LMF1: variants seen among roughly 807,000 people sequenced by gnomAD.
LMF1 encodes lipase maturation factor 1, also known as transmembrane protein 112.
In LMF1, 68 loss-of-function variants were observed where a neutral mutation model predicts 60.6. That is an observed-to-expected ratio of 1.12 (90% CI 0.92 to 1.37). The LOEUF is 1.37. Ranked by LOEUF, LMF1 falls within the 40% of genes most tolerant of loss-of-function variation. The pLI, the probability that LMF1 is intolerant of heterozygous loss-of-function variation, is 0.00. For synonymous variants in LMF1, 418 were observed against 324.7 expected, an observed-to-expected ratio of 1.29 and a Z score of -3.09; for missense variants, 948 against 767.2, an observed-to-expected ratio of 1.24 and a Z score of -2.78.
chr16:894,894 T>A (rs1232139338), intron 4 of LMF1, among the ~76,000 whole-genome samples: 1 of 152,170 alleles, frequency 6.6e-6, no homozygotes, highest in Non-Finnish European at 1.5e-5. Context: ...GGGAACACGA[T>A]CTGTTCACAG....
At chr16:872,816 G>C (rs2151704118) in intron 6 of LMF1, 1 of 152,432 alleles carries the variant, frequency 6.6e-6, no homozygotes, top group African/African-American at 2.4e-5. Context: ...CTGGCAGATG[G>C]GACCAAAGCG....
intron 4 of LMF1, among the ~76,000 whole-genome samples, chr16:895,670 C>T (rs558445345): frequency 2.6e-5 from 4 of 152,228 alleles, no homozygotes; most frequent in East Asian, 3.9e-4. Flanking sequence ...CCCTGAAGGA[C>T]GGCACGTGGC....
chr16:861,080 CGTT>C (rs749210454), intron 10 of LMF1, among the ~76,000 whole-genome samples: 70 of 152,226 alleles, frequency 4.6e-4, no homozygotes, highest in Non-Finnish European at 9.4e-4. Context: ...GTCATCTCCA[CGTT>C]GTTGTATCTT....
chr16:943,109 C>T (rs995837690), intron 2 of LMF1, among the ~76,000 whole-genome samples: 20 of 152,132 alleles, frequency 1.3e-4, no homozygotes, highest in South Asian at 4.1e-4. Flanking sequence ...CGGTGGCTCA[C>T]GCCTGTAATC....
chr16:938,913 G>A (rs2072018533), intron 2 of LMF1, among the ~76,000 whole-genome samples: 6 of 152,232 alleles, frequency 3.9e-5, no homozygotes, highest in Admixed American at 3.9e-4. Context: ...AGGCAGCAAT[G>A]AAAATGGGGA....
intron 1 of LMF1, chr16:977,016 G>C: frequency 2.2e-6 from 1 of 454,216 alleles, no homozygotes; most frequent in Non-Finnish European, 4.4e-6. Flanking sequence ...AGGAGGACCA[G>C]GAGGACGTCT....
chr16:857,583 C>T (rs144035372), intron 10 of LMF1, among the ~76,000 whole-genome samples: 35 of 72,546 alleles, frequency 4.8e-4, no homozygotes, highest in Admixed American at 2.2e-3. Context: ...TGTCTCGGGA[C>T]GGGTGTGAGT....
At chr16:893,106 C>T (rs764158210) in intron 4 of LMF1, 34 bp from the exon 5 acceptor site, 9 of 1,538,854 alleles carry the variant, frequency 5.8e-6, no homozygotes, top group South Asian at 2.4e-5. Flanking sequence ...GAGTCAGTCA[C>T]AGGGGCTGGG....
chr16:876,132 G>C (rs999077159), intron 6 of LMF1, among the ~76,000 whole-genome samples: 9 of 152,256 alleles, frequency 5.9e-5, no homozygotes, highest in Non-Finnish European at 1.3e-4. Context: ...GCCCTTCAGA[G>C]GCTGAGTGGA....
At chr16:974,538 AAGGGACGG>A (rs2073099775), upstream of LMF1, among the ~76,000 whole-genome samples, 1 of 152,174 alleles carries the variant, frequency 6.6e-6, no homozygotes, top group Non-Finnish European at 1.5e-5. Context: ...AATGGGGAGG[AAGGGACGG>A]ACACCCCAAG....
rs188010619 is a variant in LMF1, at chr16:875,129, C to T, written c.898-3788G>A. 2.7e-3 allele frequency among the ~76,000 whole-genome samples: 415 copies of T among 152,252 alleles called. 1 individual carries two copies. Among genetic ancestry groups the T allele is most frequent in the Admixed American group, 4.2e-3 (64 of 15,304 alleles). ...GGAGAGGATGACGCAGCCTGACCTC[C>T]GAGGCCTGGAAGGGAGGCGCTGCCT... On this transcript the variant is annotated intron_variant, in intron 6 of 10. Transcript: ENST00000262301.
chr16:953,003 C>G (rs1377065056), intron 2 of LMF1, among the ~76,000 whole-genome samples: 1 of 47,102 alleles, frequency 2.1e-5, no homozygotes, highest in Non-Finnish European at 3.5e-5. Flanking sequence ...ACACAGACAC[C>G]CCAAACCAGC....
chr16:933,904 G>T, intron 3 of LMF1: 1 of 1,252,714 alleles, frequency 8.0e-7, no homozygotes, highest in Non-Finnish European at 1.0e-6. Context: ...CCTTCTCTAT[G>T]CCGAGGGGCA....
rs571839388 is a variant in LMF1 at position 854,308 on chromosome 16, A to T, written c.*224T>A. 2.1e-4 allele frequency: 147 copies of T among 690,800 alleles called. 5 individuals are homozygous for T. The African/African-American group carries it at 2.1e-3, about 10-fold the overall frequency. 42.8% of individuals were successfully genotyped at this position (690,800 alleles called of 1,614,324 possible). On this transcript the variant is annotated 3_prime_UTR_variant, in exon 11 of 11. Transcript: ENST00000262301. ...GAGATCAGAGCCCCTGGCGCCTGGG[A>T]CAAGGGTTGGCCTGGATGTGGGGCC...
At chr16:872,908 C>T (rs2069844009) in intron 6 of LMF1, 1 of 152,240 alleles carries the variant, frequency 6.6e-6, no homozygotes, top group Non-Finnish European at 1.5e-5. Flanking sequence ...AACACCCAGC[C>T]CTGAGCACCT....
intron 10 of LMF1, among the ~76,000 whole-genome samples, chr16:857,153 G>C (rs915131716): frequency 3.3e-5 from 5 of 152,222 alleles, no homozygotes; most frequent in Non-Finnish European, 4.4e-5. Context: ...CCTAGTTTGT[G>C]CGGTCGCTCT....
intron 6 of LMF1, among the ~76,000 whole-genome samples, chr16:877,694 CT>C (rs1478872134): frequency 6.6e-6 from 1 of 152,148 alleles, no homozygotes; most frequent in Non-Finnish European, 1.5e-5. Context: ...GTGGCGGGCC[CT>C]CCCTGCTGTG....
upstream of LMF1, chr16:970,985 G>A (rs748737051): frequency 1.4e-4 from 203 of 1,488,286 alleles, no homozygotes; most frequent in Middle Eastern, 6.8e-4. Context: ...GCGCATGTGC[G>A]GGGAGGGCGC....
At position 977,737 on chromosome 16, in the gene LMF1, G is replaced by A. The variant is rs2073191758; in HGVS notation, c.-135+3408C>T. On this transcript the variant is annotated intron_variant, in intron 1 of 6. Transcript: ENST00000570014. ...GGGACGGAGGGGCACAGGGAAGGAC[G>A]GAGAGGGAGGGACAGGGGCCTCTCC... Among the ~76,000 whole-genome samples the A allele has an allele frequency of 3.9e-5, 6 of 151,920 alleles. No homozygotes were observed. In the South Asian group the frequency reaches 1.2e-3, roughly 31 times the overall value.
Sources: gnomAD v4.1 joint callset for allele counts (sites outside exome capture counted in the v4.1 genomes callset) on GRCh38, gnomAD v4.1.1 for gene constraint, MANE v1.5 for transcripts, NCBI Gene and HGNC (gene_info 2026-07-23, HGNC 2026-07-21) for gene names.